Variants in SVIL observed in about 807,000 individuals in gnomAD.
SVIL encodes the protein archvillin.
SVIL carries 101 observed loss-of-function variants against 240.4 expected under a neutral mutation model. The ratio of observed to expected loss-of-function variants is 0.42; its 90% confidence interval spans 0.36 to 0.50. SVIL has a LOEUF of 0.50. SVIL is among the 20% of genes least tolerant of loss of function. The pLI, the probability that SVIL is intolerant of heterozygous loss-of-function variation, is 0.01. For missense variants in SVIL, 2,512 were observed against 2,818.7 expected (o/e 0.89, Z 2.46); for synonymous variants, 999 against 1,100.0 (o/e 0.91, Z 1.82).
intron 23 of SVIL, 75 bp from the exon 24 acceptor site, chr10:29,487,374 C>T: frequency 6.6e-7 from 1 of 1,511,938 alleles, no homozygotes; most frequent in East Asian, 2.4e-5. Context: ...GGAAGCATCC[C>T]TGCTGCGGAC....
intron 6 of SVIL, among the ~76,000 whole-genome samples, chr10:29,546,718 T>C (rs746403785): frequency 2.6e-5 from 4 of 152,210 alleles, no homozygotes; most frequent in Non-Finnish European, 5.9e-5. Context: ...AGGACACTAT[T>C]GGTGGTCTTT....
rs559347561 is a variant in SVIL, at chr10:29,630,933, G to A, written c.-201+3487C>T. 5.3e-5 allele frequency among the ~76,000 whole-genome samples: 8 copies of A among 152,212 alleles called. No individual in the cohort carries two copies. In the East Asian group the frequency reaches 1.4e-3, roughly 26 times the overall value. On this transcript the variant is annotated intron_variant, in intron 1 of 37. Transcript: ENST00000355867. ...GCCCACTGGGCTAGACCCTGGGGGT[G>A]GTAAGAGAAGTGAGACCCAAGCACC...
At chr10:29,469,432 T>A (rs995698727) in intron 32 of SVIL, among the ~76,000 whole-genome samples, 1 of 152,186 alleles carries the variant, frequency 6.6e-6, no homozygotes, top group African/African-American at 2.4e-5. Flanking sequence ...TCTGGGGACA[T>A]GTGACCCTAG....
chr10:29,629,812 C>G (rs1375122922), intron 1 of SVIL, among the ~76,000 whole-genome samples: 3 of 147,456 alleles, frequency 2.0e-5, no homozygotes, highest in African/African-American at 7.4e-5. Flanking sequence ...ACCCCTGCCT[C>G]TAGAATTTTT....
In SVIL at chr10:29,533,128, G is replaced by T; in HGVS notation, c.1239C>A (p.Asp413Glu). 6.2e-7 allele frequency: 1 copy of T among 1,613,906 alleles called. No individual in the cohort carries two copies. The highest frequency in any genetic ancestry group is 8.5e-7 in the Non-Finnish European group (1 of 1,180,004). ...KPPSLTVLEG[D>E]GRDSPVLHVC... ...CATGGAGAACTGGGCTATCCCTTCC[G>T]TCACCTTCTAGAACCGTCAAGCTGG... Residue 413 changes from aspartate to glutamate, a missense_variant, in exon 8 of 38, where the codon GAC (aspartate) becomes GAA (glutamate). This residue lies in a region of SVIL where 1,443 missense variants were observed against 1,486.6 expected (regional missense o/e 0.97). Coordinates refer to ENST00000355867, the MANE Select transcript of SVIL (RefSeq NM_021738.3).
chr10:29,490,442 A>T (rs1447882342), intron 22 of SVIL, among the ~76,000 whole-genome samples: 3 of 152,114 alleles, frequency 2.0e-5, no homozygotes, highest in South Asian at 4.1e-4. Flanking sequence ...CCAGAAAAAA[A>T]CTCAACAAAA....
At chr10:29,696,077 G>A (rs906646133) in intron 1 of SVIL, among the ~76,000 whole-genome samples, 20 of 148,088 alleles carry the variant, frequency 1.4e-4, no homozygotes, top group African/African-American at 4.6e-4. Context: ...TCAGCCTGCC[G>A]AGTGCCTGCG....
At chr10:29,652,665 ACAGTTGCTTTGGAAAC>A (rs1958875016) in intron 3 of SVIL, among the ~76,000 whole-genome samples, 1 of 152,226 alleles carries the variant, frequency 6.6e-6, no homozygotes, top group African/African-American at 2.4e-5. Context: ...GTTTTCCAAA[ACAGTTGCTTTGGAAAC>A]ACGGGCATTC....
chr10:29,665,227 CA>C (rs58164251), intron 2 of SVIL, among the ~76,000 whole-genome samples: 17,767 of 67,154 alleles, frequency 0.26, 844 homozygotes, highest in East Asian at 0.31. Flanking sequence ...GATCTTGTCT[CA>C]AAAAAAAAAA....
At chr10:29,675,260 A>G (rs1400935568) in intron 2 of SVIL, among the ~76,000 whole-genome samples, 1 of 152,120 alleles carries the variant, frequency 6.6e-6, no homozygotes, top group Non-Finnish European at 1.5e-5. Flanking sequence ...AGAATTTTGC[A>G]GGGCCAAGGT....
intron 35 of SVIL, among the ~76,000 whole-genome samples, chr10:29,462,742 C>T (rs963297788): frequency 3.3e-5 from 5 of 152,156 alleles, no homozygotes; most frequent in African/African-American, 1.2e-4. Context: ...CGTCTCATTT[C>T]CTAGCACAGG....
At chr10:29,674,330 CA>C (rs939170134) in intron 2 of SVIL, among the ~76,000 whole-genome samples, 10 of 151,910 alleles carry the variant, frequency 6.6e-5, no homozygotes, top group Non-Finnish European at 1.3e-4. Context: ...GATTCTGTCT[CA>C]AAAAAAGTGG....
At chr10:29,690,796 T>TA (rs1249164812) in intron 1 of SVIL, among the ~76,000 whole-genome samples, 1 of 152,236 alleles carries the variant, frequency 6.6e-6, no homozygotes, top group African/African-American at 2.4e-5. Flanking sequence ...ATATGGTTGT[T>TA]AATCATTGCT....
chr10:29,642,389 C>G (rs1958512219), intron 3 of SVIL, among the ~76,000 whole-genome samples: 1 of 148,458 alleles, frequency 6.7e-6, no homozygotes, highest in Non-Finnish European at 1.5e-5. Context: ...GAGACTCTGC[C>G]TCAAAAACAG....
At chr10:29,573,178 A>G (rs1955527944) in intron 1 of SVIL, among the ~76,000 whole-genome samples, 1 of 152,120 alleles carries the variant, frequency 6.6e-6, no homozygotes, top group South Asian at 2.1e-4. Context: ...CATAGTACCC[A>G]ATCATTTGTT....
At chr10:29,543,484 G>C (rs1038579291) in intron 6 of SVIL, among the ~76,000 whole-genome samples, 1 of 152,194 alleles carries the variant, frequency 6.6e-6, no homozygotes, top group African/African-American at 2.4e-5. Flanking sequence ...CCTTAGGTCT[G>C]TTTCCCACGA....
intron 1 of SVIL, among the ~76,000 whole-genome samples, chr10:29,609,669 T>C (rs953059038): frequency 2.0e-5 from 3 of 152,232 alleles, no homozygotes; most frequent in African/African-American, 4.8e-5. Flanking sequence ...ATCCAGACGC[T>C]GGTGCCCACA....
chr10:29,544,006 C>T (rs1952404337), intron 6 of SVIL, among the ~76,000 whole-genome samples: 1 of 152,142 alleles, frequency 6.6e-6, no homozygotes, highest in African/African-American at 2.4e-5. Flanking sequence ...AATAATAACT[C>T]ACTCCAGGTT....
At chr10:29,509,336 A>AGG (rs1372743414) in intron 17 of SVIL, among the ~76,000 whole-genome samples, 2 of 47,498 alleles carry the variant, frequency 4.2e-5, no homozygotes, top group Non-Finnish European at 8.3e-5. Context: ...GGAGGGAGAG[A>AGG]GAGAGAGAGA....
Sources: allele counts gnomAD v4.1 joint callset (sites outside exome capture counted in the v4.1 genomes callset), GRCh38; gene constraint gnomAD v4.1.1; regional missense constraint gnomAD v4.1.1; transcripts MANE v1.5; gene names NCBI Gene and HGNC (gene_info 2026-07-23, HGNC 2026-07-21).